The following RNF152 variants were observed in gnomAD, a reference collection of about 807,000 sequenced individuals.
RNF152 encodes E3 ubiquitin-protein ligase RNF152.
In RNF152, 11 loss-of-function variants were observed where a neutral mutation model predicts 12.7. That is an observed-to-expected ratio of 0.86 (90% CI 0.54 to 1.43). The LOEUF is 1.43. Ranked by LOEUF, RNF152 falls within the 40% of genes most tolerant of loss-of-function variation. The probability of loss-of-function intolerance (pLI) is 0.00; values close to 1 mark genes in which losing one functional copy is unlikely to be tolerated. For missense variants in RNF152, 255 were observed against 274.8 expected (o/e 0.93, Z 0.51); for synonymous variants, 113 against 120.3 (o/e 0.94, Z 0.40).
At chr18:61,883,113 G>A (rs1042469653) in intron 1 of RNF152, among the ~76,000 whole-genome samples, 3 of 152,166 alleles carry the variant, frequency 2.0e-5, no homozygotes, top group South Asian at 2.1e-4. Context: ...AGAGTGAGGC[G>A]CAGACTGGTT....
chr18:61,876,616 G>A (rs559569315), intron 1 of RNF152, among the ~76,000 whole-genome samples: 2 of 152,332 alleles, frequency 1.3e-5, no homozygotes, highest in South Asian at 4.1e-4. Context: ...ATCAATGCTG[G>A]AGACGTCTTG....
chr18:61,846,064 A>G (rs1192461091), intron 1 of RNF152, among the ~76,000 whole-genome samples: 1 of 152,132 alleles, frequency 6.6e-6, no homozygotes, highest in African/African-American at 2.4e-5. Context: ...GGGCTCTCAC[A>G]AGACACCAAA....
intron 1 of RNF152, among the ~76,000 whole-genome samples, chr18:61,846,751 A>G (rs1910758079): frequency 6.6e-6 from 1 of 152,228 alleles, no homozygotes; most frequent in South Asian, 2.1e-4. Flanking sequence ...ACATAGAATT[A>G]TTAATACTGC....
intron 1 of RNF152, among the ~76,000 whole-genome samples, chr18:61,819,920 C>G (rs2144621628): frequency 6.6e-6 from 1 of 150,746 alleles, no homozygotes; most frequent in South Asian, 2.1e-4. Flanking sequence ...ACTCAGGAGG[C>G]TGAGGCAGGA....
In RNF152 at chr18:61,816,550, A is replaced by G; in HGVS notation, c.-87T>C. 6.9e-7 allele frequency: 1 copy of G among 1,450,996 alleles called. No homozygotes were observed. The highest frequency in any genetic ancestry group is 9.3e-7 in the Non-Finnish European group (1 of 1,071,586). The allele number at this position is 1,450,996 out of a possible 1,614,324, so 89.9% of individuals were successfully genotyped here. On this transcript the variant is annotated 5_prime_UTR_variant, in exon 2 of 2. Coordinates refer to ENST00000312828, the MANE Select transcript of RNF152 (RefSeq NM_173557.3). ...CCACCGCCCTGTGTCTTTGCAGTGCAGGTAATGGCAAGCTCACAGGCATCC... is the reference window on the plus strand; with the variant it reads ...CCACCGCCCTGTGTCTTTGCAGTGCGGGTAATGGCAAGCTCACAGGCATCC...
At chr18:61,879,949 G>C (rs1001911508) in intron 1 of RNF152, among the ~76,000 whole-genome samples, 1 of 147,572 alleles carries the variant, frequency 6.8e-6, no homozygotes, top group African/African-American at 2.5e-5. Context: ...AGGGCAACAA[G>C]AGCGAAACTC....
At chr18:61,891,494 CAT>C (rs1283284923) in intron 1 of RNF152, among the ~76,000 whole-genome samples, 6 of 152,170 alleles carry the variant, frequency 3.9e-5, no homozygotes, top group African/African-American at 7.2e-5. Flanking sequence ...TATCCCATCA[CAT>C]GTTTTTTCTT....
intron 1 of RNF152, among the ~76,000 whole-genome samples, chr18:61,850,089 G>T (rs1490643157): frequency 6.6e-6 from 1 of 152,158 alleles, no homozygotes; most frequent in Non-Finnish European, 1.5e-5. Flanking sequence ...CCTAACTGTG[G>T]ATTCTACCTA....
intron 1 of RNF152, among the ~76,000 whole-genome samples, chr18:61,863,737 G>C (rs1332065404): frequency 6.6e-6 from 1 of 152,078 alleles, no homozygotes; most frequent in East Asian, 1.9e-4. Context: ...CTTGAGAGGT[G>C]GGGGCATTAC....
chr18:61,882,089 CA>C (rs1470815615), intron 1 of RNF152, among the ~76,000 whole-genome samples: 1 of 152,118 alleles, frequency 6.6e-6, no homozygotes, highest in Non-Finnish European at 1.5e-5. Context: ...TGAGTGCAAA[CA>C]TGACACTCAA....
At chr18:61,890,190 A>C (rs1912892400) in intron 1 of RNF152, among the ~76,000 whole-genome samples, 1 of 152,236 alleles carries the variant, frequency 6.6e-6, no homozygotes, top group Non-Finnish European at 1.5e-5. Context: ...ATACCCACCA[A>C]GCACTGAGCT....
chr18:61,833,376 G>A (rs1013358494), intron 1 of RNF152, among the ~76,000 whole-genome samples: 2 of 152,186 alleles, frequency 1.3e-5, no homozygotes, highest in African/African-American at 2.4e-5. Flanking sequence ...GAAAGAAGGT[G>A]GAGGTAGCAA....
chr18:61,880,605 C>A (rs940636616), intron 1 of RNF152, among the ~76,000 whole-genome samples: 2 of 152,196 alleles, frequency 1.3e-5, no homozygotes, highest in Non-Finnish European at 2.9e-5. Context: ...ACAGTTATCT[C>A]CCCCACTCTC....
chr18:61,823,279 A>G (rs2144630114), intron 1 of RNF152, among the ~76,000 whole-genome samples: 1 of 152,336 alleles, frequency 6.6e-6, no homozygotes, highest in East Asian at 1.9e-4. Flanking sequence ...AGAATCCAGA[A>G]AGTGAAAATT....
chr18:61,815,984 C>A lies in RNF152; in HGVS notation c.480G>T (p.Val160=), dbSNP rs1307706102. 1 of 1,614,078 alleles carries A rather than the reference C, an allele frequency of 6.2e-7. No homozygotes were observed. Among genetic ancestry groups the A allele is most frequent in the Non-Finnish European group, 8.5e-7 (1 of 1,180,052 alleles). The change falls in exon 2 of 2, where the codon GTG becomes GTT. Residue 160 remains valine, a synonymous_variant. Transcript: ENST00000312828. The stretch of plus-strand genomic sequence containing the variant: ...CCCCCGACCAGGTGGAGCTTTTCAC[C>A]ACGCCCCGCCTGTCCTGCTCCTCCT... ...AVEEEQDRRG[V]VKSSTWSGVC... is the part of the protein sequence containing the mutation.
chr18:61,834,629 G>A (rs189105697), intron 1 of RNF152, among the ~76,000 whole-genome samples: 7 of 152,272 alleles, frequency 4.6e-5, no homozygotes, highest in Non-Finnish European at 8.8e-5. Context: ...CACTCAGTAA[G>A]TGCTCAATAA....
intron 1 of RNF152, among the ~76,000 whole-genome samples, chr18:61,853,206 T>C (rs946193940): frequency 6.6e-6 from 1 of 152,112 alleles, no homozygotes; most frequent in African/African-American, 2.4e-5. Context: ...GGAGCCCAGA[T>C]GTCTGAATTG....
At position 61,827,379 on chromosome 18, in the gene RNF152, T is replaced by C. The variant is rs536858174; in HGVS notation, c.-135-10781A>G. ...TTCAGACGAGTAGAACTTCATTAAT[T>C]TGAGGTACCCTAAGGCTGGAAGGAG... On this transcript the variant is annotated intron_variant, in intron 1 of 1. Coordinates refer to ENST00000312828, the MANE Select transcript of RNF152 (RefSeq NM_173557.3). Among the ~76,000 whole-genome samples, 109 of 152,312 alleles carry C rather than the reference T, an allele frequency of 7.2e-4. 1 individual carries two copies. The highest frequency in any genetic ancestry group is 2.3e-3 in the African/African-American group (97 of 41,578).
At chr18:61,836,856 A>G (rs1047023061) in intron 1 of RNF152, among the ~76,000 whole-genome samples, 1 of 152,248 alleles carries the variant, frequency 6.6e-6, no homozygotes, top group Non-Finnish European at 1.5e-5. Flanking sequence ...CCATTTTACC[A>G]TCTCCAATGT....
Sources: gnomAD v4.1 joint callset for allele counts (sites outside exome capture counted in the v4.1 genomes callset) on GRCh38, gnomAD v4.1.1 for gene constraint, MANE v1.5 for transcripts, NCBI Gene and HGNC (gene_info 2026-07-23, HGNC 2026-07-21) for gene names.